The following SRGN variants were observed in gnomAD, a reference collection of about 807,000 sequenced individuals.
SRGN encodes hematopoetic proteoglycan core peptide.
Under a neutral mutation model 9.5 loss-of-function variants are expected in SRGN, and 2 were observed. That is an observed-to-expected ratio of 0.21 (90% CI 0.09 to 0.66). The LOEUF (loss-of-function observed/expected upper bound fraction) is 0.66, where lower values mean the gene tolerates loss of function less well. Among genes scored for constraint, SRGN ranks in the 30% least tolerant of loss-of-function variants. The pLI, the probability that SRGN is intolerant of heterozygous loss-of-function variation, is 0.83. For synonymous variants in SRGN, 59 were observed against 72.3 expected (o/e 0.82, Z 0.93); for missense variants, 170 against 192.4 (o/e 0.88, Z 0.69).
rs184963319 is a variant in SRGN at position 69,092,611 on chromosome 10, T to C, written c.79+4375T>C. Among the ~76,000 whole-genome samples the C allele has an allele frequency of 5.5e-4, 84 of 152,174 alleles. 1 individual carries two copies. The East Asian group carries it at 0.014, about 26-fold the overall frequency. ...GAGTTTGAGACTAGCCTGGCCAACA[T>C]GGTGAGAACTTGTCTCTACTAAAAA... On this transcript the variant is annotated intron_variant, in intron 1 of 2. Coordinates refer to ENST00000242465, the MANE Select transcript of SRGN (RefSeq NM_002727.4).
chr10:69,096,937 T>C (rs1840186879), intron 1 of SRGN, 147 bp from the exon 2 acceptor site: 2 of 616,068 alleles, frequency 3.2e-6, no homozygotes, highest in African/African-American at 1.9e-5. Flanking sequence ...AAGGTTGCAG[T>C]GAGCTATGAT....
intron 2 of SRGN, among the ~76,000 whole-genome samples, chr10:69,100,239 C>A (rs1840261292): frequency 6.6e-6 from 1 of 151,954 alleles, no homozygotes; most frequent in Non-Finnish European, 1.5e-5. Context: ...GAAACCTCGT[C>A]TCTATAGAAA....
At chr10:69,097,635 G>T (rs553730441) in intron 2 of SRGN, among the ~76,000 whole-genome samples, 1 of 152,102 alleles carries the variant, frequency 6.6e-6, no homozygotes, top group Non-Finnish European at 1.5e-5. Context: ...CACCTTATTA[G>T]CCAGGATGGT....
intron 1 of SRGN, among the ~76,000 whole-genome samples, chr10:69,090,991 C>G (rs1840041050): frequency 1.3e-5 from 2 of 152,184 alleles, no homozygotes; most frequent in South Asian, 4.1e-4. Flanking sequence ...CATGTGTCCA[C>G]TGTATACTGT....
At position 69,091,879 on chromosome 10, in the gene SRGN, C is replaced by CAAAAAAAAAA. The variant is rs1177012248; in HGVS notation, c.79+3663_79+3672dup. Among the ~76,000 whole-genome samples, 245 of 31,708 alleles carry CAAAAAAAAAA rather than the reference C, an allele frequency of 7.7e-3. 4 individuals are homozygous for CAAAAAAAAAA. The highest frequency in any genetic ancestry group is 8.9e-3 in the Non-Finnish European group (188 of 21,232). 20.8% of individuals were successfully genotyped at this position (31,708 alleles called of 152,430 possible). On this transcript the variant is annotated intron_variant, in intron 1 of 2. Coordinates refer to ENST00000242465, the MANE Select transcript of SRGN (RefSeq NM_002727.4). ...TGGGCGATAGACTGAGACTCTGTCTCAAAAAAAAAAAAAAAAAAAAAAAAA... is the reference window on the plus strand; with the variant it reads ...TGGGCGATAGACTGAGACTCTGTCTCAAAAAAAAAAAAAAAAAAAAAAAAAAAAAAAAAAA...
intron 2 of SRGN, among the ~76,000 whole-genome samples, chr10:69,101,118 C>A (rs979037673): frequency 6.6e-6 from 1 of 151,774 alleles, no homozygotes; most frequent in Non-Finnish European, 1.5e-5. Context: ...GGGTGTGCCA[C>A]TATGCCCAGC....
chr10:69,099,904 C>T (rs1840254839), intron 2 of SRGN, among the ~76,000 whole-genome samples: 3 of 151,992 alleles, frequency 2.0e-5, no homozygotes, highest in South Asian at 2.1e-4. Flanking sequence ...TTGAGACCAG[C>T]CTGGGCAACA....
chr10:69,092,428 T>C (rs964503748), intron 1 of SRGN, among the ~76,000 whole-genome samples: 1 of 152,180 alleles, frequency 6.6e-6, no homozygotes, highest in Non-Finnish European at 1.5e-5. Context: ...TTTGATTTCT[T>C]TATAAAATTT....
chr10:69,093,387 C>T (rs1421719207), intron 1 of SRGN, among the ~76,000 whole-genome samples: 3 of 151,984 alleles, frequency 2.0e-5, no homozygotes, highest in Non-Finnish European at 4.4e-5. Flanking sequence ...AAAATATGGC[C>T]GCTGGAACAT....
At chr10:69,097,716 T>C (rs529491841) in intron 2 of SRGN, among the ~76,000 whole-genome samples, 11 of 152,186 alleles carry the variant, frequency 7.2e-5, no homozygotes, top group South Asian at 6.2e-4. Flanking sequence ...CGTGAGCCAC[T>C]GCGCCTGGCC....
At chr10:69,101,723 T>G (rs951134977) in intron 2 of SRGN, among the ~76,000 whole-genome samples, 1 of 152,112 alleles carries the variant, frequency 6.6e-6, no homozygotes, top group Non-Finnish European at 1.5e-5. Flanking sequence ...AGTCACTGAT[T>G]ACTTCTCTAT....
chr10:69,096,095 C>G (rs1840169327), intron 1 of SRGN, among the ~76,000 whole-genome samples: 1 of 152,114 alleles, frequency 6.6e-6, no homozygotes, highest in African/African-American at 2.4e-5. Flanking sequence ...AGACACAGGA[C>G]AAATTGTTAT....
chr10:69,097,027 A>T lies in SRGN; in HGVS notation c.80-57A>T. 2.5e-6 allele frequency: 4 copies of T among 1,569,226 alleles called. No homozygotes were observed. In the South Asian group the frequency reaches 3.5e-5, roughly 14 times the overall value. On this transcript the variant is annotated intron_variant, in intron 1 of 2. Coordinates refer to ENST00000242465, the MANE Select transcript of SRGN (RefSeq NM_002727.4). ...AATAAAAATAAAAACTTCTTAGGAC[A>T]GAGTGATTAGAAGCTGTGTAGTAGA...
intron 2 of SRGN, among the ~76,000 whole-genome samples, chr10:69,100,655 G>T (rs1377894976): frequency 6.6e-6 from 1 of 152,062 alleles, no homozygotes; most frequent in Non-Finnish European, 1.5e-5. Flanking sequence ...AGATCCTCCT[G>T]TCCTTCCCTG....
intron 1 of SRGN, among the ~76,000 whole-genome samples, chr10:69,095,027 G>A (rs952652307): frequency 2.0e-5 from 3 of 151,600 alleles, no homozygotes; most frequent in Admixed American, 6.6e-5. Flanking sequence ...AGTACTTTCG[G>A]CCGGGTGTGG....
chr10:69,090,098 C>G (rs1362756619), intron 1 of SRGN, among the ~76,000 whole-genome samples: 1 of 152,142 alleles, frequency 6.6e-6, no homozygotes, highest in African/African-American at 2.4e-5. Flanking sequence ...CTCTCAGTAT[C>G]GGGCTCAAGG....
At chr10:69,090,603 A>G (rs1266782664) in intron 1 of SRGN, among the ~76,000 whole-genome samples, 1 of 152,164 alleles carries the variant, frequency 6.6e-6, no homozygotes, top group African/African-American at 2.4e-5. Context: ...GTCACCAGGC[A>G]TTGGATCAGG....
At chr10:69,103,009 G>A (rs1419043004) in intron 2 of SRGN, among the ~76,000 whole-genome samples, 1 of 151,854 alleles carries the variant, frequency 6.6e-6, no homozygotes, top group African/African-American at 2.4e-5. Context: ...GCGCGATCTC[G>A]GCTCACTGCA....
intron 2 of SRGN, among the ~76,000 whole-genome samples, chr10:69,102,402 C>A (rs990086380): frequency 6.6e-6 from 1 of 152,134 alleles, no homozygotes; most frequent in Non-Finnish European, 1.5e-5. Flanking sequence ...GTCTGTCTTC[C>A]CCACTAAAAT....
Sources: gnomAD v4.1 joint callset for allele counts (sites outside exome capture counted in the v4.1 genomes callset) on GRCh38, gnomAD v4.1.1 for gene constraint, MANE v1.5 for transcripts, NCBI Gene and HGNC (gene_info 2026-07-23, HGNC 2026-07-21) for gene names.